The following PRH1 variants were observed in gnomAD, a reference collection of about 807,000 sequenced individuals.
PRH1 encodes salivary acidic proline-rich phosphoprotein 1/2.
PRH1 carries 7 observed loss-of-function variants against 7.9 expected under a neutral mutation model. The ratio of observed to expected loss-of-function variants is 0.89; its 90% CI spans 0.50 to 1.67. The LOEUF (loss-of-function observed/expected upper bound fraction) is 1.67. Ranked by LOEUF, PRH1 falls within the 40% of genes most tolerant of loss-of-function variation. PRH1 has a pLI of 0.00. For synonymous variants in PRH1, 45 were observed against 80.8 expected (o/e 0.56, Z 2.38); for missense variants, 109 against 223.6 (o/e 0.49, Z 3.27).
At chr12:11,066,300 T>TA (rs1356443009) in intron 1 of PRH1, among the ~76,000 whole-genome samples, 4 of 152,194 alleles carry the variant, frequency 2.6e-5, no homozygotes, top group African/African-American at 9.6e-5. Flanking sequence ...TATTTGGTCC[T>TA]AAAATCCTCT....
Position 11,143,848 on chromosome 12 carries a change from A to G in PRH1, n.40-22668T>C, listed in dbSNP as rs565537439. Among the ~76,000 whole-genome samples the G allele has an allele frequency of 2.0e-5, 3 of 152,356 alleles. No homozygotes were observed. The South Asian group carries it at 6.2e-4, about 32-fold the overall frequency. On this transcript the variant is annotated intron_variant and non_coding_transcript_variant, in intron 1 of 1. Coordinates refer to the PRH1 transcript ENST00000541175. ...TATAAGTCAAATATGATTAGAGCAAATACTGTAATAGATGGAGATGACAAC... is the reference window on the plus strand; with the variant it reads ...TATAAGTCAAATATGATTAGAGCAAGTACTGTAATAGATGGAGATGACAAC...
At chr12:10,888,848 T>C (rs1209018395), upstream of PRH1, among the ~76,000 whole-genome samples, 1 of 152,230 alleles carries the variant, frequency 6.6e-6, no homozygotes, top group Non-Finnish European at 1.5e-5. Flanking sequence ...CATCCCTTTA[T>C]AATTTTTAGG....
intron 1 of PRH1, among the ~76,000 whole-genome samples, chr12:11,053,174 A>G (rs1041423740): frequency 6.6e-6 from 1 of 152,280 alleles, no homozygotes; most frequent in African/African-American, 2.4e-5. Flanking sequence ...TATCATTGCA[A>G]TAGATAAAAT....
intron 1 of PRH1, among the ~76,000 whole-genome samples, chr12:11,106,289 C>G (rs983732631): frequency 2.0e-5 from 3 of 152,108 alleles, no homozygotes; most frequent in Non-Finnish European, 2.9e-5. Flanking sequence ...CAAACCCATA[C>G]ACACATACTC....
In PRH1 at chr12:10,939,071, C is replaced by T. The variant is rs376994578; in HGVS notation, c.-59+34584G>A. 8.0e-5 allele frequency: 129 copies of T among 1,613,748 alleles called. No individual in the cohort carries two copies. In the Admixed American group the frequency reaches 2.0e-3, roughly 25 times the overall value. ...AGAGATTGCCAAAGCAGTGAGGATC[C>T]GATCAACCGAAGAGATCTTTCTTCC... is the stretch of plus-strand genomic sequence containing the variant. On this transcript the variant is annotated intron_variant, in intron 2 of 3. Coordinates refer to the PRH1 transcript ENST00000539853.
At chr12:11,148,836 G>A (rs1321681736) in intron 1 of PRH1, among the ~76,000 whole-genome samples, 1 of 127,698 alleles carries the variant, frequency 7.8e-6, no homozygotes, top group Non-Finnish European at 1.8e-5. Context: ...TTTTTCTATT[G>A]ATTGGAATAG....
chr12:10,937,129 C>T (rs572648271), intron 2 of PRH1, among the ~76,000 whole-genome samples: 2 of 151,928 alleles, frequency 1.3e-5, no homozygotes, highest in South Asian at 4.2e-4. Flanking sequence ...ATTATCTTCC[C>T]CTTTTGGAGA....
chr12:10,939,565 T>TG (rs1950360429), intron 2 of PRH1, among the ~76,000 whole-genome samples: 1 of 151,114 alleles, frequency 6.6e-6, no homozygotes, highest in Non-Finnish European at 1.5e-5. Flanking sequence ...TTTTTTTTTT[T>TG]TTTTGTCTTA....
At chr12:11,169,610 A>G (rs1025647316) in intron 1 of PRH1, among the ~76,000 whole-genome samples, 2 of 131,290 alleles carry the variant, frequency 1.5e-5, no homozygotes, top group Non-Finnish European at 3.5e-5. Flanking sequence ...AGCTTTACAT[A>G]TTTGGAAATG....
At chr12:10,886,554 C>G (rs938690909), upstream of PRH1, among the ~76,000 whole-genome samples, 1 of 152,178 alleles carries the variant, frequency 6.6e-6, no homozygotes, top group African/African-American at 2.4e-5. Context: ...GGGACACTGT[C>G]TGTGAGTGAA....
intron 1 of PRH1, among the ~76,000 whole-genome samples, chr12:11,067,125 A>G (rs1239553096): frequency 6.6e-6 from 1 of 152,190 alleles, no homozygotes; most frequent in African/African-American, 2.4e-5. Flanking sequence ...CAGTGAAAGT[A>G]GCATTATATA....
Position 11,135,298 on chromosome 12 carries a change from T to C in PRH1, n.40-14118A>G, listed in dbSNP as rs61928450. On this transcript the variant is annotated intron_variant and non_coding_transcript_variant, in intron 1 of 1. Coordinates refer to the PRH1 transcript ENST00000541175. ...GAACAAAAAATTAATACACTTTGCA[T>C]AGAAATTTGAGATAGCTTCCATACT... Among the ~76,000 whole-genome samples the C allele has an allele frequency of 4.0e-3, 609 of 152,236 alleles. 5 individuals are homozygous for C. The highest frequency in any genetic ancestry group is 6.8e-3 in the Middle Eastern group (2 of 294).
chr12:10,986,885 A>G lies in PRH1; in HGVS notation c.-125-13164T>C, dbSNP rs377735081. ...TATCTGAGCAGAAAAAAAGAAAGAAAATGCAAGCCTAATATCACTGGTTGT... is the reference window on the plus strand; with the variant it reads ...TATCTGAGCAGAAAAAAAGAAAGAAGATGCAAGCCTAATATCACTGGTTGT... On this transcript the variant is annotated intron_variant, in intron 1 of 3. Coordinates refer to the PRH1 transcript ENST00000539853. The G allele has an allele frequency of 1.6e-5, 23 of 1,444,168 alleles. No homozygotes were observed. In the African/African-American group the frequency reaches 3.0e-4, roughly 19 times the overall value. The allele number at this position is 1,444,168 out of a possible 1,614,324, so 89.5% of individuals were successfully genotyped here.
At chr12:11,028,861 C>T (rs1942042769) in intron 1 of PRH1, among the ~76,000 whole-genome samples, 1 of 151,862 alleles carries the variant, frequency 6.6e-6, no homozygotes, top group East Asian at 1.9e-4. Flanking sequence ...AAGGATTCTG[C>T]TTGGATAAGC....
chr12:10,932,149 A>G, intron 2 of PRH1: 2 of 384,234 alleles, frequency 5.2e-6, no homozygotes, highest in Non-Finnish European at 5.7e-6. Context: ...CATCTTCCTC[A>G]CCGCAGTAAA....
chr12:10,956,329 T>A (rs1937955536), intron 2 of PRH1, among the ~76,000 whole-genome samples: 1 of 152,162 alleles, frequency 6.6e-6, no homozygotes, highest in South Asian at 2.1e-4. Context: ...ACCACATTAC[T>A]ATCTCAATAG....
chr12:11,051,108 T>A (rs144149767), upstream of PRH1, among the ~76,000 whole-genome samples: 1 of 152,278 alleles, frequency 6.6e-6, no homozygotes, highest in Admixed American at 6.5e-5. Flanking sequence ...TTAAGTGATA[T>A]AGGTATTCTG....
chr12:10,966,950 C>T (rs960535861), intron 2 of PRH1, among the ~76,000 whole-genome samples: 10 of 151,878 alleles, frequency 6.6e-5, no homozygotes, highest in South Asian at 4.1e-4. Context: ...CCCGTCTCTA[C>T]AAAAAATACA....
chr12:11,123,000 A>G (rs939965929), intron 1 of PRH1, among the ~76,000 whole-genome samples: 14 of 151,852 alleles, frequency 9.2e-5, no homozygotes, highest in Admixed American at 6.6e-4. Flanking sequence ...ATCTTTTTTT[A>G]TTTTCTTTGT....
Sources: allele counts gnomAD v4.1 joint callset (sites outside exome capture counted in the v4.1 genomes callset), GRCh38; gene constraint gnomAD v4.1.1; transcripts MANE v1.5; gene names NCBI Gene and HGNC (gene_info 2026-07-23, HGNC 2026-07-21).